CTNND2: variants seen among roughly 807,000 people sequenced by gnomAD.
CTNND2 encodes catenin delta-2.
Under a neutral mutation model 144.4 loss-of-function variants are expected in CTNND2, and 22 were observed. The ratio of observed to expected loss-of-function variants is 0.15; its 90% CI spans 0.11 to 0.22. CTNND2 has a LOEUF of 0.22. Among genes scored for constraint, CTNND2 ranks in the 10% least tolerant of loss-of-function variants. CTNND2 has a pLI of 1.00. For missense variants in CTNND2, 1,353 were observed against 1,618.8 expected (o/e 0.84, Z 2.82); for synonymous variants, 751 against 695.6 (o/e 1.08, Z -1.25).
chr5:11,299,817 G>A (rs1749397430), intron 9 of CTNND2, among the ~76,000 whole-genome samples: 1 of 152,178 alleles, frequency 6.6e-6, no homozygotes, highest in Admixed American at 6.5e-5. Context: ...CAGATCTGAA[G>A]TCTTGGACCT....
intron 3 of CTNND2, among the ~76,000 whole-genome samples, chr5:11,424,788 T>A (rs1001662664): frequency 4.3e-4 from 65 of 152,248 alleles, no homozygotes; most frequent in African/African-American, 7.2e-4. Flanking sequence ...GAATTTTTTT[T>A]AAAAGATTGG....
intron 9 of CTNND2, among the ~76,000 whole-genome samples, chr5:11,253,313 G>A (rs1743862790): frequency 6.6e-6 from 1 of 152,116 alleles, no homozygotes; most frequent in African/African-American, 2.4e-5. Flanking sequence ...AAGGACTATT[G>A]ATATGGTTTG....
chr5:11,385,027 G>C lies in CTNND2; in HGVS notation c.815C>G (p.Pro272Arg). ...PPRGGSPLAA[P>R]QGGSPTKLQR... ...CAGCTTGGTGGGCGAACCGCCCTGGGGCGCGGCCAGCGGGGAGCCCCCGCG... is the reference window on the plus strand; with the variant it reads ...CAGCTTGGTGGGCGAACCGCCCTGGCGCGCGGCCAGCGGGGAGCCCCCGCG... Residue 272 changes from proline to arginine, a missense_variant, in exon 7 of 22, where the codon CCC (proline) becomes CGC (arginine). Transcript: ENST00000304623. 1.6e-6 allele frequency: 2 copies of C among 1,218,122 alleles called. No homozygotes were observed. Among genetic ancestry groups the C allele is most frequent in the Non-Finnish European group, 2.0e-6 (2 of 984,122 alleles). 75.5% of individuals were successfully genotyped at this position (1,218,122 alleles called of 1,614,324 possible). A position where few individuals can be genotyped will look rare whatever the true frequency, so the allele number is the denominator to read the frequency against.
intron 15 of CTNND2, among the ~76,000 whole-genome samples, chr5:11,083,232 A>G (rs1749783048): frequency 6.6e-6 from 1 of 152,222 alleles, no homozygotes; most frequent in Admixed American, 6.5e-5. Context: ...GTAGAAAATG[A>G]GAATGGGTTG....
chr5:11,314,297 T>C (rs1402070797), intron 9 of CTNND2, among the ~76,000 whole-genome samples: 1 of 152,166 alleles, frequency 6.6e-6, no homozygotes, highest in Admixed American at 6.5e-5. Flanking sequence ...CTGTGTTATA[T>C]CTGGATTCCT....
At chr5:11,366,680 TA>T (rs10714077) in intron 7 of CTNND2, among the ~76,000 whole-genome samples, 70,504 of 147,486 alleles carry the variant, frequency 0.48, 16,722 homozygotes, top group Admixed American at 0.57. Context: ...AATGTAAAAA[TA>T]AAAAAAAAAA....
At chr5:11,669,897 GT>G (rs1783785048) in intron 2 of CTNND2, among the ~76,000 whole-genome samples, 7 of 152,098 alleles carry the variant, frequency 4.6e-5, no homozygotes, top group Admixed American at 3.9e-4. Flanking sequence ...AGTGCTTTAA[GT>G]TTTCCGCTAC....
At chr5:11,234,876 T>C (rs1741451115) in intron 10 of CTNND2, among the ~76,000 whole-genome samples, 1 of 152,196 alleles carries the variant, frequency 6.6e-6, no homozygotes, top group South Asian at 2.1e-4. Context: ...CTTCCTTTTT[T>C]GGTATCCGCA....
intron 1 of CTNND2, among the ~76,000 whole-genome samples, chr5:11,814,426 G>C (rs1468545817): frequency 1.3e-5 from 2 of 152,228 alleles, no homozygotes; most frequent in Non-Finnish European, 2.9e-5. Context: ...TATTAACACT[G>C]TAATAGACTG....
rs115815627 is a variant in CTNND2, at chr5:11,715,920, T to C, written c.174+16216A>G. On this transcript the variant is annotated intron_variant, in intron 2 of 21. Transcript: ENST00000304623. ...CAAAGAGTTGAACAATCAAGCATTC[T>C]AGCTTTCTTTACAGGGCAGAAAACA... is the stretch of plus-strand genomic sequence containing the variant. Among the ~76,000 whole-genome samples the C allele has an allele frequency of 4.9e-3, 747 of 152,328 alleles. 9 individuals carry two copies. The highest frequency in any genetic ancestry group is 0.017 in the African/African-American group (718 of 41,574).
At position 11,677,999 on chromosome 5, in the gene CTNND2, C is replaced by T. The variant is rs773605112; in HGVS notation, c.174+54137G>A. Among the ~76,000 whole-genome samples, 6 of 151,996 alleles carry T rather than the reference C, an allele frequency of 3.9e-5. 1 individual carries two copies. Among genetic ancestry groups the T allele is most frequent in the Non-Finnish European group, 5.9e-5 (4 of 67,990 alleles). ...TAACATCCCATAAACAGGTAGTGAA[C>T]CAAAAAGAGGGTGAGAGACTTCCTT... On this transcript the variant is annotated intron_variant, in intron 2 of 21. Coordinates refer to ENST00000304623, the MANE Select transcript of CTNND2 (RefSeq NM_001332.4).
At chr5:11,563,237 C>T (rs562733461) in intron 3 of CTNND2, among the ~76,000 whole-genome samples, 119 of 152,238 alleles carry the variant, frequency 7.8e-4, no homozygotes, top group Non-Finnish European at 1.3e-3. Flanking sequence ...GAAAATGTCA[C>T]ACAGAAATAT....
intron 2 of CTNND2, among the ~76,000 whole-genome samples, chr5:11,662,555 C>T (rs1783329533): frequency 6.6e-6 from 1 of 152,016 alleles, no homozygotes. Flanking sequence ...AAATGGTGTC[C>T]ACCCAGATTA....
chr5:11,200,237 C>T (rs1737290982), intron 10 of CTNND2, among the ~76,000 whole-genome samples: 1 of 152,106 alleles, frequency 6.6e-6, no homozygotes, highest in African/African-American at 2.4e-5. Context: ...GCACGTTATG[C>T]TTAATTTAGG....
At position 11,777,351 on chromosome 5, in the gene CTNND2, T is replaced by A. The variant is rs190930966; in HGVS notation, c.38-45079A>T. Among the ~76,000 whole-genome samples, 13 of 152,370 alleles carry A rather than the reference T, an allele frequency of 8.5e-5. No individual in the cohort carries two copies. The East Asian group carries it at 2.5e-3, about 29-fold the overall frequency. On this transcript the variant is annotated intron_variant, in intron 1 of 21. Transcript: ENST00000304623. ...AGAACCATCACAGTCCATTGACTATTGGTTATAAAACACTTCTTCAGTCAT... is the reference window on the plus strand; with the variant it reads ...AGAACCATCACAGTCCATTGACTATAGGTTATAAAACACTTCTTCAGTCAT...
chr5:11,207,320 G>A (rs1165731460), intron 10 of CTNND2, among the ~76,000 whole-genome samples: 1 of 151,172 alleles, frequency 6.6e-6, no homozygotes, highest in African/African-American at 2.4e-5. Flanking sequence ...AACCAACATG[G>A]CATGTGTATA....
chr5:11,245,512 T>C (rs1341430113), intron 9 of CTNND2, among the ~76,000 whole-genome samples: 1 of 151,990 alleles, frequency 6.6e-6, no homozygotes, highest in Non-Finnish European at 1.5e-5. Flanking sequence ...GTGCTGAGCA[T>C]GGAGGAGGGG....
chr5:11,156,146 A>G (rs1363004909), intron 12 of CTNND2, among the ~76,000 whole-genome samples: 1 of 152,232 alleles, frequency 6.6e-6, no homozygotes, highest in African/African-American at 2.4e-5. Context: ...AATTGTCTAA[A>G]GACAGAATAG....
chr5:11,043,218 T>C (rs1174647662), intron 16 of CTNND2, among the ~76,000 whole-genome samples: 8 of 152,180 alleles, frequency 5.3e-5, no homozygotes, highest in Non-Finnish European at 1.2e-4. Flanking sequence ...TGGTTTGTGC[T>C]TTAGATATTT....
Sources: allele counts gnomAD v4.1 joint callset (sites outside exome capture counted in the v4.1 genomes callset), GRCh38; gene constraint gnomAD v4.1.1; transcripts MANE v1.5; gene names NCBI Gene and HGNC (gene_info 2026-07-23, HGNC 2026-07-21).